Variants in KAT6B observed in about 807,000 individuals in gnomAD.
KAT6B encodes histone acetyltransferase KAT6B.
KAT6B carries 10 observed loss-of-function variants against 187.5 expected under a neutral mutation model. The observed-to-expected ratio is 0.05, with a 90% confidence interval of 0.03 to 0.09. KAT6B has a LOEUF of 0.09. Ranked by LOEUF, KAT6B falls within the 10% of genes least tolerant of loss-of-function variation. The pLI, the probability that KAT6B is intolerant of heterozygous loss-of-function variation, is 1.00. For synonymous variants in KAT6B, 861 were observed against 926.8 expected (o/e 0.93, Z 1.29); for missense variants, 1,952 against 2,558.9 (o/e 0.76, Z 5.12).
chr10:74,881,960 GA>G (rs1844883264), intron 3 of KAT6B, among the ~76,000 whole-genome samples: 1 of 152,196 alleles, frequency 6.6e-6, no homozygotes, highest in African/African-American at 2.4e-5. Flanking sequence ...CTTGGCTGGG[GA>G]TGGAGTTTTA....
chr10:74,968,927 G>A (rs2133641954), intron 4 of KAT6B, among the ~76,000 whole-genome samples: 1 of 152,228 alleles, frequency 6.6e-6, no homozygotes, highest in African/African-American at 2.4e-5. Context: ...CCTGGTGTGT[G>A]GAGCGCTGCT....
At chr10:74,963,083 G>A (rs778978600) in intron 4 of KAT6B, among the ~76,000 whole-genome samples, 10 of 152,148 alleles carry the variant, frequency 6.6e-5, no homozygotes, top group Non-Finnish European at 1.0e-4. Context: ...AAAATGATAG[G>A]AAGATGATCA....
intron 13 of KAT6B, among the ~76,000 whole-genome samples, chr10:74,989,858 T>G (rs977498591): frequency 6.6e-6 from 1 of 152,036 alleles, no homozygotes; most frequent in Non-Finnish European, 1.5e-5. Flanking sequence ...CTAGATAACA[T>G]GATGACCAGA....
At chr10:74,848,067 C>T (rs922514830) in intron 3 of KAT6B, among the ~76,000 whole-genome samples, 6 of 151,716 alleles carry the variant, frequency 4.0e-5, no homozygotes, top group African/African-American at 9.7e-5. Flanking sequence ...TACAGGCGTG[C>T]GCCACCATGC....
intron 3 of KAT6B, among the ~76,000 whole-genome samples, chr10:74,859,537 C>T (rs1843033405): frequency 6.6e-6 from 1 of 152,098 alleles, no homozygotes; most frequent in Non-Finnish European, 1.5e-5. Context: ...TAAACATGAA[C>T]TTGAGGTAAC....
intron 3 of KAT6B, among the ~76,000 whole-genome samples, chr10:74,942,904 G>GT (rs1849796637): frequency 6.6e-6 from 1 of 151,250 alleles, no homozygotes; most frequent in Non-Finnish European, 1.5e-5. Flanking sequence ...TTGTACTGGA[G>GT]TTTCTAGCCA....
chr10:74,958,536 C>T (rs755469244), intron 3 of KAT6B, among the ~76,000 whole-genome samples: 31 of 152,092 alleles, frequency 2.0e-4, no homozygotes, highest in Non-Finnish European at 4.1e-4. Flanking sequence ...TTACAGTTTT[C>T]GTAGTTTTGG....
intron 3 of KAT6B, among the ~76,000 whole-genome samples, chr10:74,900,537 C>T (rs976734601): frequency 4.6e-5 from 7 of 152,198 alleles, no homozygotes; most frequent in African/African-American, 1.2e-4. Flanking sequence ...TTCCAGCGCA[C>T]GTGTAGGAGC....
intron 3 of KAT6B, among the ~76,000 whole-genome samples, chr10:74,866,841 G>A (rs1843589000): frequency 6.6e-6 from 1 of 152,132 alleles, no homozygotes; most frequent in South Asian, 2.1e-4. Context: ...ATTGAAAAGG[G>A]AACAAGTTTC....
chr10:74,996,807 G>C (rs1843464405), intron 13 of KAT6B, among the ~76,000 whole-genome samples: 2 of 144,652 alleles, frequency 1.4e-5, no homozygotes, highest in South Asian at 4.5e-4. Context: ...GAGAGATTAT[G>C]TATAATTATT....
intron 1 of KAT6B, among the ~76,000 whole-genome samples, chr10:74,835,472 G>A (rs1196515948): frequency 6.6e-6 from 1 of 152,182 alleles, no homozygotes; most frequent in African/African-American, 2.4e-5. Context: ...TCAAGGTGCT[G>A]CAATGGCCCA....
intron 3 of KAT6B, among the ~76,000 whole-genome samples, chr10:74,931,932 AAACTCCCGATCTC>A (rs1265890143): frequency 6.6e-6 from 1 of 151,886 alleles, no homozygotes; most frequent in Non-Finnish European, 1.5e-5. Context: ...GGCTGGTCTC[AAACTCCCGATCTC>A]AAGTAATCCT....
chr10:74,982,087 T>G, intron 11 of KAT6B, 159 bp downstream of exon 11: 1 of 655,674 alleles, frequency 1.5e-6, no homozygotes, highest in Non-Finnish European at 2.7e-6. Context: ...GGAATGTTTA[T>G]CTAACCATAT....
At chr10:74,898,384 C>T (rs1846131856) in intron 3 of KAT6B, among the ~76,000 whole-genome samples, 1 of 152,016 alleles carries the variant, frequency 6.6e-6, no homozygotes, top group Non-Finnish European at 1.5e-5. Context: ...GCACATGACA[C>T]AAACTCATGA....
rs1056260074 is a variant in KAT6B, at chr10:75,031,781, T to C, written c.*735T>C. On this transcript the variant is annotated 3_prime_UTR_variant, in exon 18 of 18. Coordinates refer to ENST00000287239, the MANE Select transcript of KAT6B (RefSeq NM_012330.4). ...GGGGAAAAAAGGCAGCTTTCTGTTT[T>C]ATAAATGCAGACTTCTGTTTATTGA... 3 of 207,752 alleles carry C rather than the reference T, an allele frequency of 1.4e-5. No individual in the cohort carries two copies. Among genetic ancestry groups the C allele is most frequent in the African/African-American group, 6.8e-5 (3 of 43,980 alleles). The allele number at this position is 207,752 out of a possible 1,614,324, so 12.9% of individuals were successfully genotyped here.
intron 13 of KAT6B, among the ~76,000 whole-genome samples, chr10:75,018,251 T>C (rs1316643778): frequency 1.3e-5 from 2 of 152,232 alleles, no homozygotes; most frequent in Non-Finnish European, 2.9e-5. Context: ...AAAAGACCAC[T>C]GGGCTTTCAG....
chr10:74,969,800 C>G, intron 5 of KAT6B, 25 bp downstream of exon 5: 1 of 1,462,296 alleles, frequency 6.8e-7, no homozygotes, highest in Non-Finnish European at 9.6e-7. Flanking sequence ...CGTAATCCGC[C>G]TCCAGGTAAC....
chr10:74,895,282 G>C lies in KAT6B; in HGVS notation c.621+51804G>C, dbSNP rs570041974. 5.2e-4 allele frequency among the ~76,000 whole-genome samples: 79 copies of C among 151,820 alleles called. 1 individual carries two copies. The highest frequency in any genetic ancestry group is 1.9e-3 in the African/African-American group (77 of 41,430). ...TGTAGGAGTTATTTATATATTCCGGGTATTAATGCCTTATCAGATATTTGG... is the reference window on the plus strand; with the variant it reads ...TGTAGGAGTTATTTATATATTCCGGCTATTAATGCCTTATCAGATATTTGG... On this transcript the variant is annotated intron_variant, in intron 3 of 17. Transcript: ENST00000287239.
rs77523341 is a variant in KAT6B at position 74,856,064 on chromosome 10, A to G, written c.621+12586A>G. On this transcript the variant is annotated intron_variant, in intron 3 of 17. Coordinates refer to ENST00000287239, the MANE Select transcript of KAT6B (RefSeq NM_012330.4). The stretch of plus-strand genomic sequence containing the variant: ...TTAACTGACAGTCCATATTTCCCCA[A>G]ATGGCCCCAAAATCTCATTTATAAC... Among the ~76,000 whole-genome samples, 661 of 152,162 alleles carry G rather than the reference A, an allele frequency of 4.3e-3. 19 individuals are homozygous for G. Among genetic ancestry groups the G allele is most frequent in the Non-Finnish European group, 5.1e-3 (344 of 68,002 alleles).
Sources: allele counts gnomAD v4.1 joint callset (sites outside exome capture counted in the v4.1 genomes callset), GRCh38; gene constraint gnomAD v4.1.1; transcripts MANE v1.5; gene names NCBI Gene and HGNC (gene_info 2026-07-23, HGNC 2026-07-21).